CUEDC1: variants seen among roughly 807,000 people sequenced by gnomAD.
CUEDC1 encodes CUE domain containing 1.
In CUEDC1, 30 loss-of-function variants were observed where a neutral mutation model predicts 43.7. That is an observed-to-expected ratio of 0.69 (90% confidence interval 0.51 to 0.93). CUEDC1 has a LOEUF of 0.93. Ranked by LOEUF, CUEDC1 falls within the 40% of genes least tolerant of loss-of-function variation. The pLI is 0.00. For synonymous variants in CUEDC1, 223 were observed against 223.6 expected (o/e 1.00, Z 0.02); for missense variants, 486 against 549.0 (o/e 0.89, Z 1.15).
rs551824238 is a variant in CUEDC1, at chr17:57,911,373, T to A, written c.-315-25494A>T. Among the ~76,000 whole-genome samples, 8 of 152,360 alleles carry A rather than the reference T, an allele frequency of 5.3e-5. No individual in the cohort carries two copies. The South Asian group carries it at 1.0e-3, about 20-fold the overall frequency. On this transcript the variant is annotated intron_variant, in intron 1 of 10. Transcript: ENST00000577830. ...TCTCTCTCTTCCCTTCCAGAGCACC[T>A]GTTCCTCTTAAGGGTGGTTTGGTAG...
At chr17:57,934,162 G>A (rs1435613060) in intron 1 of CUEDC1, among the ~76,000 whole-genome samples, 1 of 152,162 alleles carries the variant, frequency 6.6e-6, no homozygotes, top group East Asian at 1.9e-4. Context: ...GGGAGGCCAA[G>A]GCAGGAGGAT....
At chr17:57,936,418 A>T (rs1478553008) in intron 1 of CUEDC1, among the ~76,000 whole-genome samples, 1 of 152,132 alleles carries the variant, frequency 6.6e-6, no homozygotes. Context: ...CAGTTTCGCA[A>T]TGGAAGCACT....
chr17:57,942,726 T>C (rs2074927783), intron 1 of CUEDC1, among the ~76,000 whole-genome samples: 1 of 151,710 alleles, frequency 6.6e-6, no homozygotes, highest in African/African-American at 2.4e-5. Flanking sequence ...TTTATGTTAA[T>C]GTCTTCAAAA....
In CUEDC1 at chr17:57,954,678, G is replaced by A. The variant is rs2075039130; in HGVS notation, c.-316+547C>T. Among the ~76,000 whole-genome samples the A allele has an allele frequency of 2.6e-5, 4 of 152,224 alleles. No homozygotes were observed. Among genetic ancestry groups the A allele is most frequent in the Admixed American group, 2.6e-4 (4 of 15,300 alleles). ...GGACCGGGAGGGACCAAAAAAGGCT[G>A]AGCCGACCTGTGACATCGGCGGGGG... is the stretch of plus-strand genomic sequence containing the variant. On this transcript the variant is annotated intron_variant, in intron 1 of 10. Coordinates refer to ENST00000577830, the MANE Select transcript of CUEDC1 (RefSeq NM_001271875.2). This position sits in a 1 kb window ranked among gnomAD's most constrained non-coding sequence, Gnocchi z 4.3.
In CUEDC1 at chr17:57,868,089, G is replaced by A. The variant is rs191882765; in HGVS notation, c.1034+61C>T. The stretch of plus-strand genomic sequence containing the variant: ...GCACAGCTGCAGGGAGTCCAACAGG[G>A]GTCTTGCTCCATGGCCCTTGGCTTC... On this transcript the variant is annotated intron_variant, in intron 8 of 10. Coordinates refer to ENST00000577830, the MANE Select transcript of CUEDC1 (RefSeq NM_001271875.2). The A allele has an allele frequency of 2.7e-4, 367 of 1,383,236 alleles. 1 individual carries two copies. In the African/African-American group the frequency reaches 4.7e-3, roughly 18 times the overall value. 85.7% of individuals were successfully genotyped at this position (1,383,236 alleles called of 1,614,324 possible). A position where few individuals can be genotyped will look rare whatever the true frequency, so the allele number is the denominator to read the frequency against.
At chr17:57,944,211 T>TATA (rs796665232) in intron 1 of CUEDC1, among the ~76,000 whole-genome samples, 47 of 120,184 alleles carry the variant, frequency 3.9e-4, no homozygotes, top group African/African-American at 1.1e-3. Flanking sequence ...TATATATATA[T>TATA]TTTTTTTTTT....
intron 1 of CUEDC1, among the ~76,000 whole-genome samples, chr17:57,920,117 A>G (rs1229526603): frequency 6.6e-6 from 1 of 152,172 alleles, no homozygotes; most frequent in Non-Finnish European, 1.5e-5. Flanking sequence ...CTCAGCTAGC[A>G]ATTAAGGGCC....
chr17:57,901,871 A>G (rs1210366755), intron 1 of CUEDC1, among the ~76,000 whole-genome samples: 1 of 152,244 alleles, frequency 6.6e-6, no homozygotes, highest in Non-Finnish European at 1.5e-5. Context: ...TTCGATAATC[A>G]TCATTAAAAT....
intron 1 of CUEDC1, among the ~76,000 whole-genome samples, chr17:57,890,942 T>C (rs866161283): frequency 2.6e-5 from 4 of 152,202 alleles, no homozygotes; most frequent in African/African-American, 9.7e-5. Flanking sequence ...TTTGTAGACA[T>C]AGGGGAGGAG....
chr17:57,882,308 G>A (rs1262186248), intron 2 of CUEDC1, among the ~76,000 whole-genome samples: 1 of 150,604 alleles, frequency 6.6e-6, no homozygotes, highest in African/African-American at 2.4e-5. Flanking sequence ...AAGGTGGGGG[G>A]TTGGGGAGAC....
intron 1 of CUEDC1, among the ~76,000 whole-genome samples, chr17:57,944,737 C>T (rs2143223932): frequency 6.6e-6 from 1 of 152,364 alleles, no homozygotes. Flanking sequence ...TGCACACTCA[C>T]ACATTTCACA....
In CUEDC1 at chr17:57,945,954, G is replaced by A. The variant is rs149692434; in HGVS notation, c.-316+9271C>T. Among the ~76,000 whole-genome samples, 357 of 152,060 alleles carry A rather than the reference G, an allele frequency of 2.3e-3. 1 individual carries two copies. The highest frequency in any genetic ancestry group is 0.01 in the Middle Eastern group (3 of 294). Reference sequence around the variant, plus strand: ...ACAGGAGAATTACTTGAACCCGGGCGGGTGGAGGCTGTGGGTGACAGAGCA... The same window carrying A: ...ACAGGAGAATTACTTGAACCCGGGCAGGTGGAGGCTGTGGGTGACAGAGCA... On this transcript the variant is annotated intron_variant, in intron 1 of 10. Transcript: ENST00000577830.
intron 1 of CUEDC1, among the ~76,000 whole-genome samples, chr17:57,904,616 G>A (rs958093483): frequency 6.6e-6 from 1 of 152,172 alleles, no homozygotes; most frequent in Non-Finnish European, 1.5e-5. Flanking sequence ...GTCATCAAGA[G>A]GCTAAGATTT....
At chr17:57,943,063 T>C (rs1489536306) in intron 1 of CUEDC1, among the ~76,000 whole-genome samples, 4 of 152,158 alleles carry the variant, frequency 2.6e-5, no homozygotes, top group African/African-American at 4.8e-5. Flanking sequence ...CACTGCTATA[T>C]GTGAATTTTA....
At chr17:57,909,786 A>G (rs1342453157) in intron 1 of CUEDC1, among the ~76,000 whole-genome samples, 1 of 152,182 alleles carries the variant, frequency 6.6e-6, no homozygotes, top group Non-Finnish European at 1.5e-5. Flanking sequence ...TGAGTGTGCA[A>G]ATGCAAAACT....
chr17:57,907,093 G>A (rs565219781), intron 1 of CUEDC1, among the ~76,000 whole-genome samples: 1 of 152,232 alleles, frequency 6.6e-6, no homozygotes, highest in Non-Finnish European at 1.5e-5. Flanking sequence ...GCACAGAGGG[G>A]CTCTGTCCCC....
At chr17:57,896,487 G>GGTGTGTGT (rs1555660568) in intron 1 of CUEDC1, among the ~76,000 whole-genome samples, 13 of 130,370 alleles carry the variant, frequency 1.0e-4, no homozygotes, top group South Asian at 5.0e-4. Context: ...TGCATTATGG[G>GGTGTGTGT]GTGTGTGTGT....
chr17:57,927,152 TG>T (rs1319826466), intron 1 of CUEDC1, among the ~76,000 whole-genome samples: 1 of 152,110 alleles, frequency 6.6e-6, no homozygotes, highest in Admixed American at 6.5e-5. Flanking sequence ...ACCGAGCGGC[TG>T]GGACAGAGAG....
intron 1 of CUEDC1, among the ~76,000 whole-genome samples, chr17:57,908,176 C>T (rs2074547987): frequency 6.6e-6 from 1 of 152,136 alleles, no homozygotes. Flanking sequence ...TCTGTCTCAG[C>T]CTCCTGAGCA....
Sources: gnomAD v4.1 joint callset for allele counts (sites outside exome capture counted in the v4.1 genomes callset) on GRCh38, gnomAD v4.1.1 for gene constraint, Gnocchi (gnomAD v3.1) non-coding constraint, MANE v1.5 for transcripts, NCBI Gene and HGNC (gene_info 2026-07-23, HGNC 2026-07-21) for gene names.